Variants in APCDD1L observed in about 807,000 individuals in gnomAD.
APCDD1L encodes the protein protein APCDD1-like.
Under a neutral mutation model 24.2 loss-of-function variants are expected in APCDD1L, and 21 were observed. The ratio of observed to expected loss-of-function variants is 0.87; its 90% CI spans 0.61 to 1.25. The LOEUF is 1.25. Among genes scored for constraint, APCDD1L ranks in the 50% most tolerant of loss-of-function variants. The probability of loss-of-function intolerance (pLI) is 0.00; values close to 1 mark genes in which losing one functional copy is unlikely to be tolerated. For missense variants in APCDD1L, 704 were observed against 711.7 expected, an observed-to-expected ratio of 0.99 and a Z score of 0.12; for synonymous variants, 321 against 323.6, an observed-to-expected ratio of 0.99 and a Z score of 0.09.
At position 58,494,961 on chromosome 20, in the gene APCDD1L, C is replaced by T. The variant is rs1203715248; in HGVS notation, c.49+19698G>A. Among the ~76,000 whole-genome samples the T allele has an allele frequency of 6.6e-6, 1 of 152,156 alleles. No individual in the cohort carries two copies. The highest frequency in any genetic ancestry group is 6.5e-5 in the Admixed American group (1 of 15,290). On this transcript the variant is annotated intron_variant, in intron 1 of 3. Transcript: ENST00000371149. This position sits in a 1 kb window ranked among gnomAD's most constrained non-coding sequence, Gnocchi z 4.8. ...AGCGTCTCCTCTTCAGTGAGAACACCCCCATGACCTTGTCTCAAGGTGGGC... is the reference window on the plus strand; with the variant it reads ...AGCGTCTCCTCTTCAGTGAGAACACTCCCATGACCTTGTCTCAAGGTGGGC...
chr20:58,484,710 T>C (rs1360546208), intron 1 of APCDD1L, among the ~76,000 whole-genome samples: 1 of 152,106 alleles, frequency 6.6e-6, no homozygotes, highest in Non-Finnish European at 1.5e-5. Context: ...GGAGATGTAA[T>C]AACTCAGGGA....
chr20:58,503,535 C>T (rs190719667), intron 1 of APCDD1L, among the ~76,000 whole-genome samples: 51 of 152,314 alleles, frequency 3.3e-4, no homozygotes, highest in East Asian at 2.1e-3. Flanking sequence ...ACAGCCATGT[C>T]GTGCTCTCCT....
chr20:58,465,811 G>A (rs1447885995), intron 3 of APCDD1L, among the ~76,000 whole-genome samples: 5 of 152,294 alleles, frequency 3.3e-5, no homozygotes, highest in East Asian at 1.9e-4. Context: ...GTTTGCAGTC[G>A]TCCCTGCTTT....
Position 58,460,772 on chromosome 20 carries a change from C to T in APCDD1L, c.*18G>A, listed in dbSNP as rs766453392. The T allele has an allele frequency of 4.6e-6, 7 of 1,512,314 alleles. No individual in the cohort carries two copies. Among genetic ancestry groups the T allele is most frequent in the Non-Finnish European group, 6.2e-6 (7 of 1,130,910 alleles). 93.7% of individuals were successfully genotyped at this position (1,512,314 alleles called of 1,614,324 possible). A position where few individuals can be genotyped will look rare whatever the true frequency, so the allele number is the denominator to read the frequency against. On this transcript the variant is annotated 3_prime_UTR_variant, in exon 4 of 4. Transcript: ENST00000371149. This position sits in a 1 kb window ranked among gnomAD's most constrained non-coding sequence, Gnocchi z 4.2. Reference sequence around the variant, plus strand: ...TGAATGGGTGTCCAGAGCCGCCATCCTGATGTCAAGTCCAATGTCATAGCC... The same window carrying T: ...TGAATGGGTGTCCAGAGCCGCCATCTTGATGTCAAGTCCAATGTCATAGCC...
chr20:58,486,975 C>T lies in APCDD1L; in HGVS notation c.50-16228G>A, dbSNP rs373963258. Among the ~76,000 whole-genome samples, 540 of 147,294 alleles carry T rather than the reference C, an allele frequency of 3.7e-3. 6 individuals carry two copies. Among genetic ancestry groups the T allele is most frequent in the African/African-American group, 0.013 (512 of 40,038 alleles). ...CTCCCAGGTTCAAGCAATTCTCCTG[C>T]CTCAGCCTCCCAAGTAGCTGGGATT... On this transcript the variant is annotated intron_variant, in intron 1 of 3. Coordinates refer to ENST00000371149, the MANE Select transcript of APCDD1L (RefSeq NM_153360.3).
At chr20:58,471,124 T>A (rs1220100500) in intron 1 of APCDD1L, among the ~76,000 whole-genome samples, 1 of 152,148 alleles carries the variant, frequency 6.6e-6, no homozygotes, top group Non-Finnish European at 1.5e-5. Flanking sequence ...TGCCTGCTGG[T>A]GGCTGAAGGA....
At chr20:58,478,810 T>C (rs1300557423) in intron 1 of APCDD1L, among the ~76,000 whole-genome samples, 1 of 151,996 alleles carries the variant, frequency 6.6e-6, no homozygotes, top group Admixed American at 6.6e-5. Flanking sequence ...GCCAAGAATC[T>C]GGCTGAGGGC....
chr20:58,468,936 C>G (rs2123139047), intron 2 of APCDD1L, among the ~76,000 whole-genome samples: 1 of 152,220 alleles, frequency 6.6e-6, no homozygotes, highest in Non-Finnish European at 1.5e-5. Context: ...GAAATAATTC[C>G]CTTTTCTTTT....
chr20:58,468,442 AGAG>A (rs1307893819), intron 2 of APCDD1L, among the ~76,000 whole-genome samples: 2 of 152,162 alleles, frequency 1.3e-5, no homozygotes, highest in Non-Finnish European at 2.9e-5. Flanking sequence ...GGGATGGGGC[AGAG>A]GAGGCCTCTG....
intron 1 of APCDD1L, among the ~76,000 whole-genome samples, chr20:58,499,897 C>T (rs978731295): frequency 4.6e-5 from 7 of 152,186 alleles, no homozygotes; most frequent in Non-Finnish European, 7.3e-5. Context: ...TGTCTCTCAC[C>T]GTCCCTGGCC....
Position 58,514,944 on chromosome 20 carries a change from G to GCCCC in APCDD1L, c.-241_-238dup. 2 of 365,658 alleles carry GCCCC rather than the reference G, an allele frequency of 5.5e-6. No individual in the cohort carries two copies. The highest frequency in any genetic ancestry group is 9.7e-6 in the Non-Finnish European group (2 of 206,030). The allele number at this position is 365,658 out of a possible 1,614,324, so 22.7% of individuals were successfully genotyped here. ...CAACTTGCCAGAAGAGGTGGAGACA[G>GCCCC]CCCCCGGCGAGGCGCGCACACCCGC... On this transcript the variant is annotated 5_prime_UTR_variant, in exon 1 of 4. An upstream open reading frame in the 5' UTR loses its in-frame stop. Transcript: ENST00000371149.
chr20:58,513,691 A>C (rs1990677790), intron 1 of APCDD1L: 5 of 404,410 alleles, frequency 1.2e-5, no homozygotes, highest in South Asian at 1.9e-5. Context: ...CCAGGCAGCA[A>C]GTGGAGTGAT....
intron 1 of APCDD1L, among the ~76,000 whole-genome samples, chr20:58,485,625 G>A (rs1247590267): frequency 6.6e-6 from 1 of 152,120 alleles, no homozygotes; most frequent in Non-Finnish European, 1.5e-5. Flanking sequence ...AAGCTGACAG[G>A]GGCCTCTCGC....
At chr20:58,498,476 T>G (rs1337651593) in intron 1 of APCDD1L, among the ~76,000 whole-genome samples, 3 of 152,234 alleles carry the variant, frequency 2.0e-5, no homozygotes, top group Admixed American at 1.3e-4. Flanking sequence ...AAAAGGATTC[T>G]GTTAATATCA....
intron 1 of APCDD1L, among the ~76,000 whole-genome samples, chr20:58,509,671 G>C (rs1398755228): frequency 1.3e-5 from 2 of 152,174 alleles, no homozygotes; most frequent in Admixed American, 6.5e-5. Context: ...GGAGAAGTGA[G>C]GGACCAAAAC....
intron 1 of APCDD1L, among the ~76,000 whole-genome samples, chr20:58,486,854 G>GTTTTTTTTTTTTTTTTTTT (rs747539318): frequency 3.7e-5 from 3 of 80,438 alleles, no homozygotes; most frequent in Admixed American, 2.0e-4. Context: ...TGGAGGGAAG[G>GTTTTTTTTTTTTTTTTTTT]TTTTTTTTTT....
intron 1 of APCDD1L, among the ~76,000 whole-genome samples, chr20:58,478,088 C>T (rs966456784): frequency 6.6e-6 from 1 of 152,118 alleles, no homozygotes; most frequent in African/African-American, 2.4e-5. Context: ...CAAATTGTCC[C>T]TGATTTGGCC....
Position 58,460,822 on chromosome 20 carries a change from C to T in APCDD1L, c.1474G>A (p.Val492Ile), listed in dbSNP as rs1451158848. 2.6e-6 allele frequency: 4 copies of T among 1,533,244 alleles called. No individual in the cohort carries two copies. The South Asian group carries it at 5.1e-5, about 20-fold the overall frequency. 95.0% of individuals were successfully genotyped at this position (1,533,244 alleles called of 1,614,324 possible). ...HIAPFPLLPL[V>I]LGLAFLHWL ...CAGTGGAGGAAGGCCAGCCCTAGAA[C>T]TAGGGGCAGAAGTGGGAAGGGGGCT... Residue 492 changes from valine (V) to isoleucine (I), a missense_variant, in exon 4 of 4, where the codon GTT (valine) becomes ATT (isoleucine). Val to Ile is a conservative substitution (Grantham distance 29). Coordinates refer to ENST00000371149, the MANE Select transcript of APCDD1L (RefSeq NM_153360.3). The surrounding 1 kb of genome is among the most constrained non-coding windows in gnomAD (Gnocchi z 4.2).
chr20:58,495,952 C>G (rs1990313805), intron 1 of APCDD1L, among the ~76,000 whole-genome samples: 1 of 152,168 alleles, frequency 6.6e-6, no homozygotes, highest in South Asian at 2.1e-4. Context: ...GTGCCCACAT[C>G]CCCCATCCTT....
Sources: allele counts gnomAD v4.1 joint callset (sites outside exome capture counted in the v4.1 genomes callset), GRCh38; gene constraint gnomAD v4.1.1; non-coding constraint Gnocchi (gnomAD v3.1); transcripts MANE v1.5; gene names NCBI Gene and HGNC (gene_info 2026-07-23, HGNC 2026-07-21).